The following GREB1L variants were observed in gnomAD, a reference collection of about 807,000 sequenced individuals.
The protein encoded by GREB1L is GREB1 like retinoic acid receptor coactivator.
A neutral mutation model predicts 200.8 loss-of-function variants in GREB1L; 17 were observed. That is an observed-to-expected ratio of 0.08 (90% CI 0.06 to 0.13). The LOEUF (loss-of-function observed/expected upper bound fraction) is 0.13. GREB1L is among the 10% of genes least tolerant of loss of function. The pLI is 1.00. For missense variants in GREB1L, 1,657 were observed against 2,367.7 expected (o/e 0.70, Z 6.23); for synonymous variants, 789 against 893.0 (o/e 0.88, Z 2.08).
chr18:21,355,734 G>A (rs902582844), intron 1 of GREB1L, among the ~76,000 whole-genome samples: 5 of 152,134 alleles, frequency 3.3e-5, no homozygotes, highest in African/African-American at 1.2e-4. Flanking sequence ...ACTGAAAAAT[G>A]TTCACTGGAT....
intron 32 of GREB1L, 92 bp from the exon 33 acceptor site, chr18:21,522,566 G>C (rs1279590970): frequency 1.0e-6 from 1 of 986,712 alleles, no homozygotes; most frequent in Non-Finnish European, 1.4e-6. Flanking sequence ...TTGGTTCTCA[G>C]ATGTGTTAGC....
chr18:21,521,925 AC>A (rs1468644238), intron 32 of GREB1L, among the ~76,000 whole-genome samples: 1 of 137,906 alleles, frequency 7.3e-6, no homozygotes, highest in Non-Finnish European at 1.5e-5. Context: ...AATTGCTTGA[AC>A]CCAGGAGGCG....
At chr18:21,349,800 G>C (rs1182716428) in intron 1 of GREB1L, among the ~76,000 whole-genome samples, 2 of 151,990 alleles carry the variant, frequency 1.3e-5, no homozygotes, top group African/African-American at 4.8e-5. Flanking sequence ...ATGGTGCATT[G>C]TATAATTATT....
intron 1 of GREB1L, among the ~76,000 whole-genome samples, chr18:21,274,311 G>A (rs775581433): frequency 6.6e-6 from 1 of 152,032 alleles, no homozygotes; most frequent in African/African-American, 2.4e-5. Context: ...CATCACCTTG[G>A]GGGTTAGGAT....
At chr18:21,259,024 A>C (rs1598610918) in intron 1 of GREB1L, among the ~76,000 whole-genome samples, 1 of 152,306 alleles carries the variant, frequency 6.6e-6, no homozygotes, top group East Asian at 1.9e-4. Context: ...TTAAATGGAC[A>C]AGACGTCCAA....
intron 28 of GREB1L, 51 bp from the exon 29 acceptor site, chr18:21,515,366 T>G: frequency 7.9e-7 from 1 of 1,259,302 alleles, no homozygotes; most frequent in Non-Finnish European, 1.1e-6. Context: ...TCACAAATGA[T>G]CCTCTCTTCT....
intron 1 of GREB1L, among the ~76,000 whole-genome samples, chr18:21,342,592 C>A (rs72881360): frequency 0.031 from 4,685 of 152,254 alleles, 111 homozygotes; most frequent in Middle Eastern, 0.065. Context: ...CTTTACCAGA[C>A]GCTCACTGCT....
chr18:21,269,690 A>C (rs1236187837), intron 1 of GREB1L, among the ~76,000 whole-genome samples: 1 of 152,246 alleles, frequency 6.6e-6, no homozygotes, highest in Non-Finnish European at 1.5e-5. Context: ...TTGTTTAAGC[A>C]TACTGGAACA....
Position 21,437,463 on chromosome 18 carries a change from A to G in GREB1L, c.833-2058A>G, listed in dbSNP as rs148852611. Among the ~76,000 whole-genome samples the G allele has an allele frequency of 7.1e-4, 108 of 152,294 alleles. No individual in the cohort carries two copies. In the Middle Eastern group the frequency reaches 0.01, roughly 14 times the overall value. The stretch of plus-strand genomic sequence containing the variant: ...CTTTATAATGCCAAGGATTATGCTG[A>G]CAACTTTTGAACCTACTAATCAATC... On this transcript the variant is annotated intron_variant, in intron 7 of 32. Coordinates refer to ENST00000424526, the MANE Select transcript of GREB1L (RefSeq NM_001142966.3).
At chr18:21,427,246 A>G (rs1031907765) in intron 7 of GREB1L, among the ~76,000 whole-genome samples, 52 of 152,052 alleles carry the variant, frequency 3.4e-4, no homozygotes, top group African/African-American at 1.2e-3. Flanking sequence ...GCTCATACCT[A>G]TAATCCCTGC....
At chr18:21,290,706 C>T (rs1321021560) in intron 1 of GREB1L, among the ~76,000 whole-genome samples, 1 of 151,962 alleles carries the variant, frequency 6.6e-6, no homozygotes, top group African/African-American at 2.4e-5. Context: ...TGCCTGTAAT[C>T]CTAGCTACTC....
chr18:21,358,770 C>T (rs1394530968), intron 1 of GREB1L, among the ~76,000 whole-genome samples: 8 of 152,128 alleles, frequency 5.3e-5, no homozygotes, highest in Non-Finnish European at 1.0e-4. Context: ...GCACCGAAAT[C>T]GCAGAAATCA....
chr18:21,301,099 A>C (rs1374683930), intron 1 of GREB1L, among the ~76,000 whole-genome samples: 1 of 152,220 alleles, frequency 6.6e-6, no homozygotes, highest in Non-Finnish European at 1.5e-5. Context: ...GCAGGATGCT[A>C]TTCGGAAAAG....
rs540068915 is a variant in GREB1L at position 21,468,716 on chromosome 18, C to T, written c.2183-4315C>T. The T allele has an allele frequency of 2.7e-4, 121 of 456,600 alleles. 2 individuals are homozygous for T. The highest frequency in any genetic ancestry group is 1.8e-3 in the South Asian group (117 of 64,540). The allele number at this position is 456,600 out of a possible 1,614,324, so 28.3% of individuals were successfully genotyped here. ...CAATCTTTCTCTTCATGTCGTTTTT[C>T]CTGTTCCAGGTTCCAGTCCAGGTTC... On this transcript the variant is annotated intron_variant, in intron 15 of 32. Coordinates refer to ENST00000424526, the MANE Select transcript of GREB1L (RefSeq NM_001142966.3).
intron 11 of GREB1L, 118 bp downstream of exon 11, chr18:21,444,527 A>G (rs2145316902): frequency 3.6e-6 from 3 of 834,484 alleles, no homozygotes; most frequent in Non-Finnish European, 5.6e-6. Flanking sequence ...TTTCGCTTCT[A>G]ATGTTCTTTC....
At chr18:21,484,900 A>G (rs965503366) in intron 17 of GREB1L, among the ~76,000 whole-genome samples, 3 of 152,210 alleles carry the variant, frequency 2.0e-5, no homozygotes, top group African/African-American at 7.2e-5. Context: ...GTAAAAAACT[A>G]ATGTAGAAAA....
At chr18:21,249,274 A>C (rs2037659886) in intron 1 of GREB1L, among the ~76,000 whole-genome samples, 1 of 152,130 alleles carries the variant, frequency 6.6e-6, no homozygotes, top group Admixed American at 6.5e-5. Flanking sequence ...GGATGGGTTG[A>C]CTTTCACTAA....
chr18:21,439,958 T>C (rs9965058), intron 8 of GREB1L, among the ~76,000 whole-genome samples: 1,726 of 152,300 alleles, frequency 0.011, 40 homozygotes, highest in African/African-American at 0.039. Context: ...CCTTTCTCCT[T>C]TTACAAAATG....
intron 1 of GREB1L, among the ~76,000 whole-genome samples, chr18:21,268,491 A>G (rs1432223465): frequency 8.8e-5 from 12 of 136,080 alleles, no homozygotes; most frequent in East Asian, 4.3e-4. Flanking sequence ...GTGTGTGTGT[A>G]TATATATACA....
Sources: allele counts gnomAD v4.1 joint callset (sites outside exome capture counted in the v4.1 genomes callset), GRCh38; gene constraint gnomAD v4.1.1; transcripts MANE v1.5; gene names NCBI Gene and HGNC (gene_info 2026-07-23, HGNC 2026-07-21).